Variants in MAGI2 observed in about 807,000 individuals in gnomAD.
The protein encoded by MAGI2 is membrane-associated guanylate kinase, WW and PDZ domain-containing protein 2.
MAGI2 carries 35 observed loss-of-function variants against 133.3 expected under a neutral mutation model. The observed-to-expected ratio is 0.26, with a 90% confidence interval of 0.20 to 0.35. The LOEUF is 0.35. MAGI2 is among the 10% of genes least tolerant of loss of function. The probability of loss-of-function intolerance (pLI) is 1.00; values close to 1 mark genes in which losing one functional copy is unlikely to be tolerated. For synonymous variants in MAGI2, 729 were observed against 710.6 expected, an observed-to-expected ratio of 1.03 and a Z score of -0.41; for missense variants, 1,636 against 1,863.4, an observed-to-expected ratio of 0.88 and a Z score of 2.25.
chr7:79,264,284 G>A (rs1834288098), intron 1 of MAGI2, among the ~76,000 whole-genome samples: 1 of 152,050 alleles, frequency 6.6e-6, no homozygotes, highest in South Asian at 2.1e-4. Context: ...AATGCTTTTG[G>A]TTATAGACGA....
chr7:78,516,403 G>A (rs1314931955), intron 4 of MAGI2, among the ~76,000 whole-genome samples: 2 of 152,158 alleles, frequency 1.3e-5, no homozygotes. Flanking sequence ...CCAGGCTGGA[G>A]TGCAGAGGCA....
intron 1 of MAGI2, among the ~76,000 whole-genome samples, chr7:79,176,783 TA>T (rs1231330443): frequency 2.0e-5 from 3 of 151,958 alleles, no homozygotes; most frequent in Non-Finnish European, 4.4e-5. Flanking sequence ...AATAATTTTT[TA>T]AAAAAATCAC....
chr7:79,335,257 G>GAGCAT (rs1703299706), intron 1 of MAGI2, among the ~76,000 whole-genome samples: 1 of 152,080 alleles, frequency 6.6e-6, no homozygotes, highest in African/African-American at 2.4e-5. Context: ...TAGCAGAGCA[G>GAGCAT]AGCGTTTAGG....
chr7:78,397,130 C>T (rs1004580319), intron 6 of MAGI2, among the ~76,000 whole-genome samples: 14 of 151,808 alleles, frequency 9.2e-5, no homozygotes, highest in Admixed American at 5.3e-4. Flanking sequence ...AGGAAACTAC[C>T]TTAATAATGC....
intron 1 of MAGI2, among the ~76,000 whole-genome samples, chr7:79,422,328 G>A (rs1454180206): frequency 6.6e-6 from 1 of 151,418 alleles, no homozygotes; most frequent in Non-Finnish European, 1.5e-5. Context: ...GTTTTATTTG[G>A]GTGTCCTAAT....
chr7:78,380,953 G>A (rs1481187290), intron 6 of MAGI2, among the ~76,000 whole-genome samples: 8 of 152,060 alleles, frequency 5.3e-5, no homozygotes, highest in Non-Finnish European at 1.0e-4. Flanking sequence ...CAATTTCTTA[G>A]GAAAATATAA....
intron 1 of MAGI2, among the ~76,000 whole-genome samples, chr7:79,065,973 G>C (rs1341949349): frequency 6.6e-6 from 1 of 152,094 alleles, no homozygotes; most frequent in Non-Finnish European, 1.5e-5. Flanking sequence ...ATGGGCATTT[G>C]AGTTGGTTCC....
chr7:78,685,923 A>T (rs1816248529), intron 2 of MAGI2, among the ~76,000 whole-genome samples: 1 of 151,938 alleles, frequency 6.6e-6, no homozygotes, highest in Non-Finnish European at 1.5e-5. Flanking sequence ...TTCTCAAAGA[A>T]AAAGAAGTTG....
intron 1 of MAGI2, among the ~76,000 whole-genome samples, chr7:79,091,530 G>A (rs980929160): frequency 2.0e-5 from 3 of 152,076 alleles, no homozygotes; most frequent in African/African-American, 4.8e-5. Flanking sequence ...ACAGGAATTA[G>A]CCTTTAAAAG....
At chr7:78,664,691 A>T (rs1179325408) in intron 2 of MAGI2, among the ~76,000 whole-genome samples, 4 of 146,908 alleles carry the variant, frequency 2.7e-5, no homozygotes, top group African/African-American at 7.6e-5. Context: ...TTTTTTCAAT[A>T]AAAAATAGCA....
At chr7:78,026,437 C>T (rs992717907) in intron 21 of MAGI2, among the ~76,000 whole-genome samples, 1 of 152,218 alleles carries the variant, frequency 6.6e-6, no homozygotes. Flanking sequence ...CTCCAGCAAA[C>T]ATTTGTGCAG....
intron 1 of MAGI2, among the ~76,000 whole-genome samples, chr7:79,379,445 AG>A (rs1374719432): frequency 2.0e-5 from 3 of 152,140 alleles, no homozygotes. Flanking sequence ...TATTTATAGC[AG>A]CATGATTTAT....
intron 1 of MAGI2, among the ~76,000 whole-genome samples, chr7:79,171,771 T>TA (rs1554394312): frequency 0.15 from 2,905 of 19,458 alleles, 82 homozygotes; most frequent in East Asian, 0.25. Context: ...TATATATATA[T>TA]TTTTTTTTTT....
At chr7:78,519,558 G>A (rs1239767104) in intron 4 of MAGI2, among the ~76,000 whole-genome samples, 1 of 152,122 alleles carries the variant, frequency 6.6e-6, no homozygotes, top group Non-Finnish European at 1.5e-5. Context: ...ATCAAGAACA[G>A]TTCAGTTTTA....
intron 1 of MAGI2, among the ~76,000 whole-genome samples, chr7:79,297,381 C>CA (rs1413924617): frequency 1.3e-5 from 2 of 152,200 alleles, no homozygotes; most frequent in Non-Finnish European, 2.9e-5. Flanking sequence ...CTTCTCCTTG[C>CA]ATTTCCATCC....
intron 4 of MAGI2, among the ~76,000 whole-genome samples, chr7:78,515,719 G>C (rs1025770086): frequency 1.2e-4 from 19 of 152,092 alleles, no homozygotes; most frequent in African/African-American, 4.6e-4. Context: ...TGACCAAATG[G>C]AGAAACCCCA....
At chr7:78,166,307 T>C (rs553256007) in intron 15 of MAGI2, among the ~76,000 whole-genome samples, 1 of 152,358 alleles carries the variant, frequency 6.6e-6, no homozygotes, top group East Asian at 1.9e-4. Flanking sequence ...AAATCAGGTA[T>C]CTTTTTAATT....
Position 79,453,439 on chromosome 7 carries a change from G to A in MAGI2, c.-119C>T. ...GGGAAGAACAGCAGACTTTGCCTTC[G>A]CCCCCCTCTATTCGGTGCTTTCCCT... On this transcript the variant is annotated 5_prime_UTR_variant, in exon 1 of 22. Transcript: ENST00000354212. 2.0e-6 allele frequency: 3 copies of A among 1,493,812 alleles called. No homozygotes were observed. Among genetic ancestry groups the A allele is most frequent in the African/African-American group, 1.4e-5 (1 of 71,460 alleles). 92.5% of individuals were successfully genotyped at this position (1,493,812 alleles called of 1,614,324 possible).
chr7:79,001,646 A>T (rs983110312), intron 2 of MAGI2, among the ~76,000 whole-genome samples: 2 of 152,224 alleles, frequency 1.3e-5, no homozygotes, highest in Admixed American at 6.5e-5. Context: ...AAATATATGC[A>T]ATCATTATGC....
Sources: allele counts gnomAD v4.1 joint callset (sites outside exome capture counted in the v4.1 genomes callset), GRCh38; gene constraint gnomAD v4.1.1; transcripts MANE v1.5; gene names NCBI Gene and HGNC (gene_info 2026-07-23, HGNC 2026-07-21).